The following NARS2 variants were observed in gnomAD, a reference collection of about 807,000 sequenced individuals.
The protein encoded by NARS2 is asparaginyl-tRNA synthetase.
Under a neutral mutation model 62.9 loss-of-function variants are expected in NARS2, and 60 were observed. That is an observed-to-expected ratio of 0.95 (90% CI 0.77 to 1.18). The LOEUF (loss-of-function observed/expected upper bound fraction) is 1.18, where lower values mean the gene tolerates loss of function less well. Ranked by LOEUF, NARS2 falls within the 50% of genes most tolerant of loss-of-function variation. NARS2 has a pLI of 0.00. For synonymous variants in NARS2, 196 were observed against 200.0 expected, an observed-to-expected ratio of 0.98 and a Z score of 0.17; for missense variants, 619 against 576.4, an observed-to-expected ratio of 1.07 and a Z score of -0.76.
intron 13 of NARS2, among the ~76,000 whole-genome samples, chr11:78,439,002 G>A (rs1365166750): frequency 6.6e-6 from 1 of 151,164 alleles, no homozygotes; most frequent in East Asian, 1.9e-4. Context: ...TTGAGATGGA[G>A]TCTCACTCTA....
Position 78,465,876 on chromosome 11 carries a change from C to CGT in NARS2, c.1162_1163dup (p.Val389ArgfsTer28). ...CAATTTATTTAGTATCTCTTCTTAC[C>CGT]GTGTGCTGAGGGCCATCTTCATTAT... On this transcript the variant is annotated frameshift_variant and splice_region_variant, in exon 11 of 14. Coordinates refer to ENST00000281038, the MANE Select transcript of NARS2 (RefSeq NM_024678.6). LOFTEE classifies it high-confidence loss of function. 1.2e-6 allele frequency: 2 copies of CGT among 1,614,022 alleles called. No individual in the cohort carries two copies. The highest frequency in any genetic ancestry group is 2.2e-5 in the South Asian group (2 of 91,060).
chr11:78,525,312 C>G (rs7949866), intron 6 of NARS2, among the ~76,000 whole-genome samples: 20,153 of 151,904 alleles, frequency 0.13, 4,360 homozygotes, highest in African/African-American at 0.45. Context: ...GTCAGTGTAA[C>G]TTTACTGACT....
intron 4 of NARS2, among the ~76,000 whole-genome samples, chr11:78,563,243 G>A (rs1287256723): frequency 8.8e-6 from 1 of 114,130 alleles, no homozygotes; most frequent in Non-Finnish European, 1.7e-5. Flanking sequence ...TTTTGAGACA[G>A]AGTCTTACTC....
intron 6 of NARS2, among the ~76,000 whole-genome samples, chr11:78,495,664 A>T (rs540457908): frequency 6.6e-6 from 1 of 152,280 alleles, no homozygotes; most frequent in African/African-American, 2.4e-5. Flanking sequence ...ACATCCTCAC[A>T]AACGGTAACA....
chr11:78,504,170 C>A (rs1280232002), intron 6 of NARS2, among the ~76,000 whole-genome samples: 1 of 152,190 alleles, frequency 6.6e-6, no homozygotes, highest in Non-Finnish European at 1.5e-5. Flanking sequence ...GAACTTCACA[C>A]CATATTGTCC....
At chr11:78,474,740 A>T (rs917631111) in intron 9 of NARS2, among the ~76,000 whole-genome samples, 1 of 152,236 alleles carries the variant, frequency 6.6e-6, no homozygotes. Context: ...GACATCACAG[A>T]GGTAGTAGAT....
At chr11:78,459,274 G>T (rs1406581754) in intron 11 of NARS2, among the ~76,000 whole-genome samples, 1 of 147,514 alleles carries the variant, frequency 6.8e-6, no homozygotes, top group East Asian at 2.0e-4. Flanking sequence ...TGTTTTGTTT[G>T]TTTTTTTTAA....
At chr11:78,557,592 C>G (rs907631697) in intron 5 of NARS2, among the ~76,000 whole-genome samples, 1 of 152,162 alleles carries the variant, frequency 6.6e-6, no homozygotes, top group African/African-American at 2.4e-5. Flanking sequence ...TCAATGAATT[C>G]AAGAGTTTCT....
At chr11:78,504,516 T>C (rs1478206961) in intron 6 of NARS2, among the ~76,000 whole-genome samples, 2 of 150,264 alleles carry the variant, frequency 1.3e-5, no homozygotes, top group Admixed American at 6.7e-5. Flanking sequence ...ATAAAACTAA[T>C]GTGGCTAGCA....
At chr11:78,496,388 T>C (rs1284393873) in intron 6 of NARS2, among the ~76,000 whole-genome samples, 2 of 152,176 alleles carry the variant, frequency 1.3e-5, no homozygotes, top group Admixed American at 1.3e-4. Context: ...CCTTCATAGT[T>C]AACTCAGTCT....
intron 5 of NARS2, among the ~76,000 whole-genome samples, chr11:78,548,740 G>A (rs188438603): frequency 8.7e-4 from 132 of 152,262 alleles, no homozygotes; most frequent in Middle Eastern, 3.4e-3. Flanking sequence ...TGACATGACA[G>A]TGTGGGGAGC....
At chr11:78,529,125 A>G (rs971716939) in intron 5 of NARS2, among the ~76,000 whole-genome samples, 189 bp from the exon 6 acceptor site, 6 of 152,224 alleles carry the variant, frequency 3.9e-5, no homozygotes, top group African/African-American at 7.2e-5. Context: ...AATAAAGGCA[A>G]GGAAGTTTGT....
At chr11:78,516,522 G>A (rs190560153) in intron 6 of NARS2, among the ~76,000 whole-genome samples, 107 of 152,240 alleles carry the variant, frequency 7.0e-4, no homozygotes, top group African/African-American at 2.5e-3. Context: ...CTAATTTCTC[G>A]TTTAATGCTC....
intron 6 of NARS2, among the ~76,000 whole-genome samples, chr11:78,526,701 T>C (rs1158571720): frequency 6.6e-6 from 1 of 152,148 alleles, no homozygotes; most frequent in African/African-American, 2.4e-5. Context: ...TGTGGTTCAC[T>C]GCGCTTTACT....
At chr11:78,443,053 C>T (rs1276094848) in intron 12 of NARS2, among the ~76,000 whole-genome samples, 11 of 151,954 alleles carry the variant, frequency 7.2e-5, no homozygotes, top group Admixed American at 2.0e-4. Flanking sequence ...TGGCCAGGTG[C>T]GGTGGCTCAT....
chr11:78,508,551 T>G (rs532123578), intron 6 of NARS2, among the ~76,000 whole-genome samples: 4 of 148,576 alleles, frequency 2.7e-5, no homozygotes, highest in Admixed American at 6.7e-5. Flanking sequence ...ATCATGACAC[T>G]GCACTCCAGC....
At position 78,436,230 on chromosome 11, in the gene NARS2, A is replaced by G. The variant is rs1857406364; in HGVS notation, c.*440T>C. The G allele has an allele frequency of 6.5e-6, 1 of 153,474 alleles. No individual in the cohort carries two copies. Among genetic ancestry groups the G allele is most frequent in the Non-Finnish European group, 1.4e-5 (1 of 68,984 alleles). The allele number at this position is 153,474 out of a possible 1,614,324, so 9.5% of individuals were successfully genotyped here. ...TGTTTAATGAAGTACTGAAAATGAG[A>G]TAAGGATTTATCACAAAGTATATGG... On this transcript the variant is annotated 3_prime_UTR_variant, in exon 14 of 14. Transcript: ENST00000281038.
chr11:78,476,602 T>C (rs900229178), intron 9 of NARS2, among the ~76,000 whole-genome samples: 1 of 152,238 alleles, frequency 6.6e-6, no homozygotes, highest in East Asian at 1.9e-4. Flanking sequence ...AGTTGCCAAA[T>C]GGACTTTCTG....
At chr11:78,564,697 A>C (rs6592794) in intron 4 of NARS2, among the ~76,000 whole-genome samples, 1 of 152,074 alleles carries the variant, frequency 6.6e-6, no homozygotes, top group Non-Finnish European at 1.5e-5. Flanking sequence ...GTATTTTTAC[A>C]ATTGTGTGGT....
Sources: gnomAD v4.1 joint callset for allele counts (sites outside exome capture counted in the v4.1 genomes callset) on GRCh38, gnomAD v4.1.1 for gene constraint, MANE v1.5 for transcripts, NCBI Gene and HGNC (gene_info 2026-07-23, HGNC 2026-07-21) for gene names.